The following ZNF469 variants were observed in gnomAD, a reference collection of about 807,000 sequenced individuals.
ZNF469 encodes zinc finger protein 469.
ZNF469 carries 1 observed loss-of-function variant against 1.0 expected under a neutral mutation model. The ratio of observed to expected loss-of-function variants is 1.00; its 90% CI spans 0.35 to 4.73. ZNF469 has a LOEUF of 4.73. Among genes scored for constraint, ZNF469 ranks in the 30% most tolerant of loss-of-function variants. ZNF469 has a pLI of 0.16. For synonymous variants in ZNF469, 2,703 were observed against 2,363.4 expected, an observed-to-expected ratio of 1.14 and a Z score of -4.17; for missense variants, 6,100 against 5,356.3, an observed-to-expected ratio of 1.14 and a Z score of -4.33.
the ZNF469 span, among the ~76,000 whole-genome samples, chr16:88,368,822 C>G: frequency 9.9e-5 from 15 of 152,138 alleles, no homozygotes; most frequent in Non-Finnish European, 2.2e-4. Flanking sequence ...GCAGGCCAGG[C>G]ACAGTGGCTC....
At chr16:88,357,705 A>G in the ZNF469 span, among the ~76,000 whole-genome samples, 1 of 152,176 alleles carries the variant, frequency 6.6e-6, no homozygotes, top group South Asian at 2.1e-4. Context: ...CAGCGCAGTT[A>G]TTTCATTTCC....
At chr16:88,185,269 G>A in the ZNF469 span, among the ~76,000 whole-genome samples, 5 of 151,936 alleles carry the variant, frequency 3.3e-5, no homozygotes, top group Admixed American at 1.3e-4. Context: ...ACACAGGCAC[G>A]CACTAGTATA....
the ZNF469 span, among the ~76,000 whole-genome samples, chr16:88,132,648 G>T: frequency 1.3e-5 from 2 of 152,176 alleles, no homozygotes; most frequent in Non-Finnish European, 2.9e-5. Flanking sequence ...TGCTCTCGGT[G>T]GTGACAAACT....
At position 88,438,568 on chromosome 16, in the gene ZNF469, A is replaced by G; in HGVS notation, c.11098A>G (p.Arg3700Gly). The change falls in exon 3 of 3, where the codon AGG becomes GGG. Residue 3700 changes from arginine (R) to glycine (G), a missense_variant. By Grantham distance (125) the Arg-to-Gly change is moderately radical (BLOSUM62 -2). Coordinates refer to ENST00000565624, the MANE Select transcript of ZNF469 (RefSeq NM_001367624.2). ...AGCACTCAAGTTCCCAGTGCACCCA[A>G]GGAAGGCGGTGGGGAGCCTGGCACC... ...SKALKFPVHP[R>G]KAVGSLAPGE... 1 of 1,550,126 alleles carries G rather than the reference A, an allele frequency of 6.5e-7. No individual in the cohort carries two copies. Among genetic ancestry groups the G allele is most frequent in the Non-Finnish European group, 8.7e-7 (1 of 1,146,946 alleles).
Position 88,438,620 on chromosome 16 carries a change from A to G in ZNF469, c.11150A>G (p.Asn3717Ser), listed in dbSNP as rs1292563319. The G allele has an allele frequency of 1.9e-6, 3 of 1,549,930 alleles. No individual in the cohort carries two copies. Among genetic ancestry groups the G allele is most frequent in the South Asian group, 1.2e-5 (1 of 84,052 alleles). ...APGELARGTE[N>S]GMKPATPKAK... ...GGGGAGCTGGCCCGTGGCACAGAGAATGGGATGAAGCCCGCCACCCCCAAA... is the reference window on the plus strand; with the variant it reads ...GGGGAGCTGGCCCGTGGCACAGAGAGTGGGATGAAGCCCGCCACCCCCAAA... The change falls in exon 3 of 3, where the codon AAT becomes AGT. Residue 3717 changes from asparagine (N) to serine (S), a missense_variant. Coordinates refer to ENST00000565624, the MANE Select transcript of ZNF469 (RefSeq NM_001367624.2).
At chr16:88,218,523 A>G in the ZNF469 span, among the ~76,000 whole-genome samples, 1 of 152,152 alleles carries the variant, frequency 6.6e-6, no homozygotes, top group Non-Finnish European at 1.5e-5. Context: ...TGCCCACATG[A>G]TTATCTCAAT....
At chr16:88,277,805 G>A in the ZNF469 span, among the ~76,000 whole-genome samples, 715 of 33,112 alleles carry the variant, frequency 0.022, 13 homozygotes, top group African/African-American at 0.056. Flanking sequence ...TTAGTGCTGC[G>A]TCACACCGAC....
intron 1 of ZNF469, among the ~76,000 whole-genome samples, chr16:88,419,272 G>A (rs1373029758): frequency 3.3e-5 from 5 of 152,220 alleles, no homozygotes; most frequent in African/African-American, 1.2e-4. Context: ...ACACAGCTCG[G>A]ACAGGATCAG....
At chr16:88,381,213 C>G (rs1191347917), upstream of ZNF469, among the ~76,000 whole-genome samples, 8 of 146,424 alleles carry the variant, frequency 5.5e-5, no homozygotes, top group Admixed American at 6.8e-5. Context: ...CAGACACACA[C>G]ACAGACATGC....
At chr16:88,148,716 C>T in the ZNF469 span, among the ~76,000 whole-genome samples, 1 of 152,306 alleles carries the variant, frequency 6.6e-6, no homozygotes, top group South Asian at 2.1e-4. Context: ...CGTCTGCCAC[C>T]ACCCTGCCTT....
the ZNF469 span, among the ~76,000 whole-genome samples, chr16:88,355,730 G>A: frequency 1.3e-5 from 2 of 152,148 alleles, no homozygotes; most frequent in Non-Finnish European, 2.9e-5. Context: ...GAGTCCTCTG[G>A]GCCACATACT....
At chr16:88,154,126 C>G in the ZNF469 span, among the ~76,000 whole-genome samples, 1 of 152,296 alleles carries the variant, frequency 6.6e-6, no homozygotes, top group East Asian at 1.9e-4. Flanking sequence ...AGCCTTCATG[C>G]TTTTCTAAGC....
At chr16:88,340,891 C>A in the ZNF469 span, among the ~76,000 whole-genome samples, 1 of 152,194 alleles carries the variant, frequency 6.6e-6, no homozygotes, top group South Asian at 2.1e-4. Flanking sequence ...CTAGGAGAGC[C>A]CGGGGGCCTA....
At chr16:88,103,249 G>T in the ZNF469 span, among the ~76,000 whole-genome samples, 1 of 152,156 alleles carries the variant, frequency 6.6e-6, no homozygotes, top group South Asian at 2.1e-4. Flanking sequence ...TCTTAGGGAC[G>T]CAGAGCTTCC....
the ZNF469 span, among the ~76,000 whole-genome samples, chr16:88,141,106 G>C: frequency 6.6e-6 from 1 of 152,076 alleles, no homozygotes; most frequent in African/African-American, 2.4e-5. Flanking sequence ...CCCACCTTAC[G>C]GACACAATAA....
the ZNF469 span, among the ~76,000 whole-genome samples, chr16:88,255,756 C>T: frequency 6.6e-6 from 1 of 152,214 alleles, no homozygotes; most frequent in African/African-American, 2.4e-5. Flanking sequence ...CTCTGTCTTA[C>T]AGACTAAGAG....
rs1227430473 is a variant in ZNF469 at position 88,428,168 on chromosome 16, A to G, written c.698A>G (p.Asp233Gly). ...SYPEYQASGA[D>G]SWPPAAENSF... is the part of the protein sequence containing the mutation. ...CCCGAATACCAGGCCAGTGGGGCCG[A>G]CTCCTGGCCTCCCGCTGCTGAGAAT... Residue 233 changes from aspartate to glycine, a missense_variant, in exon 3 of 3, where the codon GAC becomes GGC. Physicochemically the swap from Asp to Gly is moderately conservative, Grantham distance 94 (BLOSUM62 -1). Transcript: ENST00000565624. The G allele has an allele frequency of 6.5e-7, 1 of 1,549,046 alleles. No homozygotes were observed. The highest frequency in any genetic ancestry group is 1.2e-5 in the South Asian group (1 of 83,998).
intron 1 of ZNF469, among the ~76,000 whole-genome samples, chr16:88,383,615 A>G (rs185938860): frequency 0.16 from 23,432 of 149,702 alleles, 3,974 homozygotes; most frequent in African/African-American, 0.43. Flanking sequence ...GGGGAGCGGG[A>G]CCTCCGGGCG....
chr16:88,125,072 G>A, the ZNF469 span, among the ~76,000 whole-genome samples: 1 of 152,044 alleles, frequency 6.6e-6, no homozygotes, highest in Non-Finnish European at 1.5e-5. Flanking sequence ...GTGCTGTGAG[G>A]TGGGGTTCAT....
Sources: gnomAD v4.1 joint callset for allele counts (sites outside exome capture counted in the v4.1 genomes callset) on GRCh38, gnomAD v4.1.1 for gene constraint, MANE v1.5 for transcripts, NCBI Gene and HGNC (gene_info 2026-07-23, HGNC 2026-07-21) for gene names.